BTBD2: variants seen among roughly 807,000 people sequenced by gnomAD.
BTBD2 encodes the protein BTB/POZ domain-containing protein 2.
In BTBD2, 15 loss-of-function variants were observed where a neutral mutation model predicts 44.0. That is an observed-to-expected ratio of 0.34 (90% CI 0.23 to 0.53). The LOEUF (loss-of-function observed/expected upper bound fraction) is 0.53, where lower values mean the gene tolerates loss of function less well. Among genes scored for constraint, BTBD2 ranks in the 20% least tolerant of loss-of-function variants. The pLI is 0.95. For synonymous variants in BTBD2, 443 were observed against 335.9 expected, an observed-to-expected ratio of 1.32 and a Z score of -3.49; for missense variants, 657 against 746.4, an observed-to-expected ratio of 0.88 and a Z score of 1.39.
At chr19:2,011,168 A>G (rs1262584131) in intron 1 of BTBD2, among the ~76,000 whole-genome samples, 1 of 151,828 alleles carries the variant, frequency 6.6e-6, no homozygotes, top group Non-Finnish European at 1.5e-5. Flanking sequence ...CTGGCTTGTG[A>G]TGCTCCAGCC....
chr19:1,994,829 A>T (rs2016229505), intron 2 of BTBD2, among the ~76,000 whole-genome samples: 2 of 152,168 alleles, frequency 1.3e-5, no homozygotes, highest in South Asian at 4.1e-4. Context: ...CTCTGCCGGT[A>T]TTGTCCTTTG....
At position 2,012,098 on chromosome 19, in the gene BTBD2, C is replaced by T. The variant is rs1362600603; in HGVS notation, c.407+3199G>A. Among the ~76,000 whole-genome samples, 4 of 152,122 alleles carry T rather than the reference C, an allele frequency of 2.6e-5. No homozygotes were observed. The East Asian group carries it at 7.7e-4, about 29-fold the overall frequency. On this transcript the variant is annotated intron_variant, in intron 1 of 8. Transcript: ENST00000255608. ...CTCAAACTCCTGACCTCATGATTCG[C>T]CCGCCTCGGCCTCCCAAAGTGCTGG...
chr19:1,986,441 G>A lies in BTBD2; in HGVS notation c.*47C>T. ...CCCCAGCAGCAGATGATGGCCTGGGGCTGCGGCTATCCCCACGGAGGGAGG... is the reference window on the plus strand; with the variant it reads ...CCCCAGCAGCAGATGATGGCCTGGGACTGCGGCTATCCCCACGGAGGGAGG... On this transcript the variant is annotated 3_prime_UTR_variant, in exon 9 of 9. Coordinates refer to ENST00000255608, the MANE Select transcript of BTBD2 (RefSeq NM_017797.4). 1 of 1,603,706 alleles carries A rather than the reference G, an allele frequency of 6.2e-7. No homozygotes were observed.
chr19:2,015,347 C>T lies in BTBD2; in HGVS notation c.357G>A (p.Val119=), dbSNP rs372228895. ...FLFNNEVLCD[V]HFLVGKGLSS... ...TGAGCCCCTTGCCCACCAGGAAGTG[C>T]ACGTCGCACAGCACCTCGTTGTTGA... is the stretch of plus-strand genomic sequence containing the variant. The change falls in exon 1 of 9, where the codon GTG becomes GTA. Residue 119 remains valine, a synonymous_variant. Transcript: ENST00000255608. The T allele has an allele frequency of 6.3e-6, 10 of 1,584,310 alleles. No homozygotes were observed. Among genetic ancestry groups the T allele is most frequent in the South Asian group, 5.6e-5 (5 of 89,124 alleles).
chr19:2,011,451 C>G (rs1051750223), intron 1 of BTBD2, among the ~76,000 whole-genome samples: 2 of 152,136 alleles, frequency 1.3e-5, no homozygotes. Context: ...CCTGCTCCGG[C>G]CTTGCCATGG....
chr19:1,999,619 C>T lies in BTBD2; in HGVS notation c.408-2156G>A, dbSNP rs564445031. On this transcript the variant is annotated intron_variant, in intron 1 of 8. Transcript: ENST00000255608. The stretch of plus-strand genomic sequence containing the variant: ...AGGTCAAGGCTTCAGAGAGCCAGGA[C>T]TGCGCCACTGCACTCCAGCCTGGGC... 1.9e-4 allele frequency among the ~76,000 whole-genome samples: 28 copies of T among 151,062 alleles called. No homozygotes were observed. In the East Asian group the frequency reaches 3.7e-3, roughly 20 times the overall value.
At chr19:2,008,879 C>A (rs2016427610) in intron 1 of BTBD2, among the ~76,000 whole-genome samples, 1 of 152,002 alleles carries the variant, frequency 6.6e-6, no homozygotes. Flanking sequence ...CCTGAAAAGT[C>A]TTCACAAAGA....
intron 1 of BTBD2, among the ~76,000 whole-genome samples, chr19:2,005,690 G>A (rs2016386021): frequency 2.0e-5 from 3 of 151,616 alleles, no homozygotes; most frequent in African/African-American, 7.3e-5. Context: ...GCTGAGACAG[G>A]AGAATCGCTT....
intron 1 of BTBD2, among the ~76,000 whole-genome samples, chr19:2,014,958 A>T (rs914464503): frequency 6.8e-6 from 1 of 147,328 alleles, no homozygotes; most frequent in Admixed American, 6.7e-5. Flanking sequence ...AGAGGCAGGG[A>T]CAGAGGGGTG....
intron 1 of BTBD2, among the ~76,000 whole-genome samples, chr19:2,010,423 C>T (rs893472874): frequency 2.6e-5 from 4 of 152,130 alleles, no homozygotes; most frequent in African/African-American, 7.2e-5. Context: ...GCACAAACGC[C>T]GACCCCTGCG....
At position 1,990,697 on chromosome 19, in the gene BTBD2, C is replaced by T. The variant is rs761377857; in HGVS notation, c.790+20G>A. 1.3e-5 allele frequency: 20 copies of T among 1,577,856 alleles called. No individual in the cohort carries two copies. The South Asian group carries it at 2.1e-4, about 16-fold the overall frequency. ...CGAGGCCCCGCTGGGATTCCCACAC[C>T]TGGGCTCCTGGGCCCTTACCCAGGT... On this transcript the variant is annotated intron_variant, in intron 4 of 8. Coordinates refer to ENST00000255608, the MANE Select transcript of BTBD2 (RefSeq NM_017797.4).
rs781595898 is a variant in BTBD2 at position 1,986,439 on chromosome 19, GGGCTGC to G, written c.*43_*48del. ...GGCCCCAGCAGCAGATGATGGCCTG[GGGCTGC>G]GGCTATCCCCACGGAGGGAGGGCGG... On this transcript the variant is annotated 3_prime_UTR_variant, in exon 9 of 9. Coordinates refer to ENST00000255608, the MANE Select transcript of BTBD2 (RefSeq NM_017797.4). 1.1e-5 allele frequency: 18 copies of G among 1,602,054 alleles called. No homozygotes were observed. The African/African-American group carries it at 2.4e-4, about 21-fold the overall frequency.
rs778894106 is a variant in BTBD2, at chr19:1,986,494, G to A, written c.1572C>T (p.Tyr524=). The A allele has an allele frequency of 1.9e-6, 3 of 1,613,810 alleles. No individual in the cohort carries two copies. The highest frequency in any genetic ancestry group is 1.1e-5 in the South Asian group (1 of 91,084). Residue 524 remains tyrosine, a synonymous_variant, in exon 9 of 9, where the codon TAC becomes TAT. Transcript: ENST00000255608. The part of the protein sequence containing the change: ...EDGQIPEVIF[Y]T ...GGTGTCGGTGTCGGGCAGCCTAGGTGTAGAAGATGACCTCGGGGATCTGGC... is the reference window on the plus strand; with the variant it reads ...GGTGTCGGTGTCGGGCAGCCTAGGTATAGAAGATGACCTCGGGGATCTGGC...
intron 2 of BTBD2, among the ~76,000 whole-genome samples, chr19:1,995,362 A>G (rs2016237399): frequency 6.7e-6 from 1 of 148,434 alleles, no homozygotes; most frequent in Non-Finnish European, 1.5e-5. Context: ...GCTCACTGCA[A>G]GCTCTGCCAC....
rs781662518 is a variant in BTBD2, at chr19:1,993,068, G to A, written c.636C>T (p.Phe212=). The A allele has an allele frequency of 6.2e-7, 1 of 1,606,734 alleles. No homozygotes were observed. The highest frequency in any genetic ancestry group is 1.1e-5 in the South Asian group (1 of 90,746). The change falls in exon 3 of 9, where the codon TTC becomes TTT. Residue 212 remains phenylalanine, a synonymous_variant. Transcript: ENST00000255608. ...VPALEAHCVE[F]LKKNLRADNA... is the part of the protein sequence containing the mutation. ...TGTCGGCTCGCAGGTTCTTCTTCAG[G>A]AACTCCACGCAATGGGCCTCGAGCG... is the stretch of plus-strand genomic sequence containing the variant.
chr19:2,013,095 G>A (rs1352512581), intron 1 of BTBD2, among the ~76,000 whole-genome samples: 1 of 152,236 alleles, frequency 6.6e-6, no homozygotes, highest in African/African-American at 2.4e-5. Context: ...CCCTCCAGGG[G>A]CAGGAACCTC....
Position 1,987,675 on chromosome 19 carries a change from T to C in BTBD2, c.1006A>G (p.Ile336Val). 6.2e-7 allele frequency: 1 copy of C among 1,603,746 alleles called. No individual in the cohort carries two copies. Among genetic ancestry groups the C allele is most frequent in the Non-Finnish European group, 8.5e-7 (1 of 1,174,748 alleles). The change falls in exon 6 of 9, where the codon ATC becomes GTC. Residue 336 changes from isoleucine (I) to valine (V), a missense_variant. Transcript: ENST00000255608. ...CTGACCACCTCGCGGTCCACCAGGA[T>C]GCCCGACTGTGCGGGACCTGCAGCA... ...EFAAGPAQSG[I>V]LVDREVVSLF...
chr19:2,009,771 G>A (rs2016440044), intron 1 of BTBD2, among the ~76,000 whole-genome samples: 2 of 152,076 alleles, frequency 1.3e-5, no homozygotes, highest in Non-Finnish European at 2.9e-5. Context: ...AATTGCTTGA[G>A]CCAGGGAGCT....
rs745535268 is a variant in BTBD2, at chr19:1,991,915, GT to G, written c.685-1094del. On this transcript the variant is annotated intron_variant, in intron 3 of 8. Coordinates refer to ENST00000255608, the MANE Select transcript of BTBD2 (RefSeq NM_017797.4). ...AGAGAGAGAGAGAAAGTTCTCTCTGGTTTTTTTTTTTCTTTTTTTTTAGCCA... is the reference window on the plus strand; with the variant it reads ...AGAGAGAGAGAGAAAGTTCTCTCTGGTTTTTTTTTTCTTTTTTTTTAGCCA... 3.0e-4 allele frequency: 44 copies of G among 147,434 alleles called. No homozygotes were observed. In the East Asian group the frequency reaches 3.8e-3, roughly 13 times the overall value. 9.1% of individuals were successfully genotyped at this position (147,434 alleles called of 1,614,324 possible).
Sources: gnomAD v4.1 joint callset for allele counts (sites outside exome capture counted in the v4.1 genomes callset) on GRCh38, gnomAD v4.1.1 for gene constraint, MANE v1.5 for transcripts, NCBI Gene and HGNC (gene_info 2026-07-23, HGNC 2026-07-21) for gene names.